The following NECTIN1 variants were observed in gnomAD, a reference collection of about 807,000 sequenced individuals.
The protein encoded by NECTIN1 is nectin-1.
NECTIN1 carries 23 observed loss-of-function variants against 48.0 expected under a neutral mutation model. That is an observed-to-expected ratio of 0.48 (90% CI 0.34 to 0.68). The LOEUF (loss-of-function observed/expected upper bound fraction) is 0.68, where lower values mean the gene tolerates loss of function less well. Among genes scored for constraint, NECTIN1 ranks in the 30% least tolerant of loss-of-function variants. NECTIN1 has a pLI of 0.01. For missense variants in NECTIN1, 591 were observed against 709.9 expected (o/e 0.83, Z 1.90); for synonymous variants, 270 against 288.9 (o/e 0.93, Z 0.66).
Position 119,667,940 on chromosome 11 carries a change from C to T in NECTIN1, c.1004-2643G>A, listed in dbSNP as rs764809805. On this transcript the variant is annotated intron_variant, in intron 5 of 5. Coordinates refer to ENST00000264025, the MANE Select transcript of NECTIN1 (RefSeq NM_002855.5). ...AAAGGGTCAGCAAAAATAGGGGGGT[C>T]GAGATGTTGGCTTAGACAAAAGCAT... is the stretch of plus-strand genomic sequence containing the variant. 1.9e-4 allele frequency among the ~76,000 whole-genome samples: 29 copies of T among 152,138 alleles called. 1 individual carries two copies. The highest frequency in any genetic ancestry group is 3.4e-4 in the African/African-American group (14 of 41,420).
chr11:119,648,537 C>G (rs1442308935), intron 5 of NECTIN1, among the ~76,000 whole-genome samples: 1 of 150,062 alleles, frequency 6.7e-6, no homozygotes. Context: ...AGCCACTGTC[C>G]AGCACCCAGC....
rs1422930207 is a variant in NECTIN1 at position 119,727,838 on chromosome 11, G to A, written c.79+637C>T. 2.0e-5 allele frequency among the ~76,000 whole-genome samples: 3 copies of A among 152,212 alleles called. No individual in the cohort carries two copies. The highest frequency in any genetic ancestry group is 7.2e-5 in the African/African-American group (3 of 41,462). On this transcript the variant is annotated intron_variant, in intron 1 of 5. Transcript: ENST00000264025. The surrounding 1 kb of genome is among the most constrained non-coding windows in gnomAD (Gnocchi z 4.1). Reference sequence around the variant, plus strand: ...CCAGAGCTGGGAGCAGAGTTCCGAGGGGGAGCCCGGTCCCGCGCCAGGCCG... The same window carrying A: ...CCAGAGCTGGGAGCAGAGTTCCGAGAGGGAGCCCGGTCCCGCGCCAGGCCG...
At chr11:119,666,884 G>A (rs933047385) in intron 5 of NECTIN1, among the ~76,000 whole-genome samples, 18 of 152,118 alleles carry the variant, frequency 1.2e-4, no homozygotes, top group African/African-American at 3.1e-4. Context: ...GAATTTGGGC[G>A]GGAAGGGCTG....
At chr11:119,716,369 C>T (rs116546026) in intron 1 of NECTIN1, among the ~76,000 whole-genome samples, 504 of 152,196 alleles carry the variant, frequency 3.3e-3, no homozygotes, top group African/African-American at 0.011. Flanking sequence ...AACAGTCCAG[C>T]GGTGCGAAGG....
rs1864702838 is a variant in NECTIN1, at chr11:119,663,407, G to C, written c.*1340C>G. On this transcript the variant is annotated 3_prime_UTR_variant, in exon 6 of 6. Transcript: ENST00000264025. The stretch of plus-strand genomic sequence containing the variant: ...TTCAAGAAGGGAATCTGCACTGAAA[G>C]GGAGGGCTTCTCCTAGGCCCTCCCC... 2.0e-6 allele frequency: 2 copies of C among 985,370 alleles called. No individual in the cohort carries two copies. Among genetic ancestry groups the C allele is most frequent in the Non-Finnish European group, 2.4e-6 (2 of 829,970 alleles). 61.0% of individuals were successfully genotyped at this position (985,370 alleles called of 1,614,324 possible). A position where few individuals can be genotyped will look rare whatever the true frequency, so the allele number is the denominator to read the frequency against.
Position 119,661,244 on chromosome 11 carries a change from A to G in NECTIN1, c.*3503T>C. 1 of 985,862 alleles carries G rather than the reference A, an allele frequency of 1.0e-6. No individual in the cohort carries two copies. The highest frequency in any genetic ancestry group is 1.2e-6 in the Non-Finnish European group (1 of 829,946). The allele number at this position is 985,862 out of a possible 1,614,324, so 61.1% of individuals were successfully genotyped here. A position where few individuals can be genotyped will look rare whatever the true frequency, so the allele number is the denominator to read the frequency against. Reference sequence around the variant, plus strand: ...ATTCTTTTCATTTATACAAAAAAGGAAAACCAATTTTTTCGACCAAGAATC... The same window carrying G: ...ATTCTTTTCATTTATACAAAAAAGGGAAACCAATTTTTTCGACCAAGAATC... On this transcript the variant is annotated 3_prime_UTR_variant, in exon 6 of 6. Transcript: ENST00000264025.
chr11:119,688,923 T>G (rs989935600), intron 1 of NECTIN1, among the ~76,000 whole-genome samples: 28 of 130,686 alleles, frequency 2.1e-4, no homozygotes, highest in Non-Finnish European at 3.3e-4. Flanking sequence ...TGCAAGAGGG[T>G]GGGTAGGGGC....
Position 119,677,518 on chromosome 11 carries a change from C to A in NECTIN1, c.733+37G>T, listed in dbSNP as rs1388635712. The A allele has an allele frequency of 2.5e-6, 4 of 1,609,682 alleles. No homozygotes were observed. In the Admixed American group the frequency reaches 6.7e-5, roughly 27 times the overall value. On this transcript the variant is annotated intron_variant, in intron 3 of 5. Coordinates refer to ENST00000264025, the MANE Select transcript of NECTIN1 (RefSeq NM_002855.5). This position sits in a 1 kb window ranked among gnomAD's most constrained non-coding sequence, Gnocchi z 5.4. The stretch of plus-strand genomic sequence containing the variant: ...GAGGAGGGAGGAGGGACAGTGGCGC[C>A]CACCCCAGGAGGCCCCTGGCAGCCA...
chr11:119,664,494 G>A lies in NECTIN1; in HGVS notation c.*253C>T. The A allele has an allele frequency of 1.5e-6, 2 of 1,361,360 alleles. No individual in the cohort carries two copies. The highest frequency in any genetic ancestry group is 1.9e-6 in the Non-Finnish European group (2 of 1,058,580). 84.3% of individuals were successfully genotyped at this position (1,361,360 alleles called of 1,614,324 possible). On this transcript the variant is annotated 3_prime_UTR_variant, in exon 6 of 6. Coordinates refer to ENST00000264025, the MANE Select transcript of NECTIN1 (RefSeq NM_002855.5). ...GGCAGGCAGGTGGGGCCCGTAAAGG[G>A]AAGATACAGTAACACTAAAGCCACA... is the stretch of plus-strand genomic sequence containing the variant.
chr11:119,639,370 C>T (rs762516885), intron 6 of NECTIN1: 2 of 201,176 alleles, frequency 9.9e-6, no homozygotes, highest in Non-Finnish European at 1.0e-5. Flanking sequence ...ACGTTTTGTT[C>T]ATCATGGGTT....
At position 119,664,313 on chromosome 11, in the gene NECTIN1, G is replaced by A. The variant is rs1864722891; in HGVS notation, c.*434C>T. 8 of 1,004,880 alleles carry A rather than the reference G, an allele frequency of 8.0e-6. No individual in the cohort carries two copies. In the South Asian group the frequency reaches 3.5e-4, roughly 44 times the overall value. 62.2% of individuals were successfully genotyped at this position (1,004,880 alleles called of 1,614,324 possible). On this transcript the variant is annotated 3_prime_UTR_variant, in exon 6 of 6. Transcript: ENST00000264025. ...GGGAGGAGGAGCAGCATCTGGGGGT[G>A]TGGGGAGCTTTTCCCTCTTAGAGCC...
chr11:119,722,818 G>C (rs1224145742), intron 1 of NECTIN1, among the ~76,000 whole-genome samples: 2 of 152,288 alleles, frequency 1.3e-5, no homozygotes, highest in Non-Finnish European at 2.9e-5. Flanking sequence ...GGACCATTGA[G>C]AGGGAAGGCA....
At chr11:119,714,988 G>A (rs534838467) in intron 1 of NECTIN1, among the ~76,000 whole-genome samples, 9 of 152,230 alleles carry the variant, frequency 5.9e-5, no homozygotes, top group Non-Finnish European at 1.0e-4. Context: ...GTCTGTAAAT[G>A]CCTGCAGGAT....
At chr11:119,652,356 C>T (rs573765915) in intron 5 of NECTIN1, among the ~76,000 whole-genome samples, 2 of 152,198 alleles carry the variant, frequency 1.3e-5, no homozygotes, top group Admixed American at 1.3e-4. Flanking sequence ...AGCACATCTC[C>T]TCCCCCTCCT....
rs1189124840 is a variant in NECTIN1 at position 119,661,094 on chromosome 11, C to T, written c.*3653G>A. On this transcript the variant is annotated 3_prime_UTR_variant, in exon 6 of 6. Transcript: ENST00000264025. ...TACAAGTAAAAGGGGGTGATGCAAA[C>T]ACCCCCCAGGTCAGAACCAGGAGGA... is the stretch of plus-strand genomic sequence containing the variant. 2 of 984,668 alleles carry T rather than the reference C, an allele frequency of 2.0e-6. No homozygotes were observed. The highest frequency in any genetic ancestry group is 1.1e-4 in the East Asian group (1 of 8,798). The allele number at this position is 984,668 out of a possible 1,614,324, so 61.0% of individuals were successfully genotyped here. A position where few individuals can be genotyped will look rare whatever the true frequency, so the allele number is the denominator to read the frequency against.
At chr11:119,639,208 A>G (rs1565372848) in intron 6 of NECTIN1, among the ~76,000 whole-genome samples, 1 of 152,202 alleles carries the variant, frequency 6.6e-6, no homozygotes, top group Non-Finnish European at 1.5e-5. Context: ...CACATGATGC[A>G]AGATTTTAAA....
rs531844108 is a variant in NECTIN1 at position 119,727,093 on chromosome 11, C to G, written c.79+1382G>C. ...CAGTACTGGCTTTCACAAACTGCTT[C>G]CCAGACATCCACCACTTAGTGAGAT... On this transcript the variant is annotated intron_variant, in intron 1 of 5. Transcript: ENST00000264025. This position sits in a 1 kb window ranked among gnomAD's most constrained non-coding sequence, Gnocchi z 4.1. Among the ~76,000 whole-genome samples the G allele has an allele frequency of 2.0e-5, 3 of 152,178 alleles. No individual in the cohort carries two copies. The highest frequency in any genetic ancestry group is 4.4e-5 in the Non-Finnish European group (3 of 68,034).
chr11:119,705,196 T>C (rs1865528111), intron 1 of NECTIN1, among the ~76,000 whole-genome samples: 1 of 152,168 alleles, frequency 6.6e-6, no homozygotes, highest in South Asian at 2.1e-4. Context: ...CTTCATGTGA[T>C]TGCATGCAGA....
rs201212582 is a variant in NECTIN1, at chr11:119,678,452, C to G, written c.393G>C (p.Thr131=). The G allele has an allele frequency of 6.2e-7, 1 of 1,614,216 alleles. No individual in the cohort carries two copies. Among genetic ancestry groups the G allele is most frequent in the Admixed American group, 1.7e-5 (1 of 60,026 alleles). The change falls in exon 2 of 6, where the codon ACG becomes ACC. Residue 131 remains threonine, a synonymous_variant. Coordinates refer to ENST00000264025, the MANE Select transcript of NECTIN1 (RefSeq NM_002855.5). This position sits in a 1 kb window ranked among gnomAD's most constrained non-coding sequence, Gnocchi z 4.4. ...VYICEFATFP[T]GNRESQLNLT... ...GATTGAGCTGGCTTTCTCGATTGCCCGTAGGGAAGGTAGCAAACTCGCAGA... is the reference window on the plus strand; with the variant it reads ...GATTGAGCTGGCTTTCTCGATTGCCGGTAGGGAAGGTAGCAAACTCGCAGA...
Sources: allele counts gnomAD v4.1 joint callset (sites outside exome capture counted in the v4.1 genomes callset), GRCh38; gene constraint gnomAD v4.1.1; non-coding constraint Gnocchi (gnomAD v3.1); transcripts MANE v1.5; gene names NCBI Gene and HGNC (gene_info 2026-07-23, HGNC 2026-07-21).